The following GLRA3 variants were observed in gnomAD, a reference collection of about 807,000 sequenced individuals.
GLRA3 encodes the protein glycine receptor subunit alpha-3.
Under a neutral mutation model 60.4 loss-of-function variants are expected in GLRA3, and 44 were observed. The observed-to-expected ratio is 0.73, with a 90% CI of 0.57 to 0.94. The LOEUF is 0.94. Among genes scored for constraint, GLRA3 ranks in the 40% least tolerant of loss-of-function variants. The pLI is 0.00. For synonymous variants in GLRA3, 223 were observed against 192.9 expected (o/e 1.16, Z -1.29); for missense variants, 508 against 564.6 (o/e 0.90, Z 1.02).
In GLRA3 at chr4:174,643,905, T is replaced by C. The variant is rs1411945825; in HGVS notation, c.1276A>G (p.Lys426Glu). The C allele has an allele frequency of 6.2e-7, 1 of 1,614,040 alleles. No homozygotes were observed. The highest frequency in any genetic ancestry group is 1.3e-5 in the African/African-American group (1 of 74,928). Reference sequence around the variant, plus strand: ...GCTCGGGAGATGGTATCAATCTTCTTGGCCCGGTCGATAAAGACCTTCCTC... The same window carrying C: ...GCTCGGGAGATGGTATCAATCTTCTCGGCCCGGTCGATAAAGACCTTCCTC... ...EMRKVFIDRA[K>E]KIDTISRACF... Residue 426 changes from lysine to glutamate, a missense_variant, in exon 10 of 10, where the codon AAG (lysine) becomes GAG (glutamate). Coordinates refer to ENST00000274093, the MANE Select transcript of GLRA3 (RefSeq NM_006529.4).
chr4:174,796,873 A>T (rs1739592207), intron 1 of GLRA3, among the ~76,000 whole-genome samples: 1 of 152,072 alleles, frequency 6.6e-6, no homozygotes, highest in Admixed American at 6.6e-5. Context: ...TTGCTTACAG[A>T]AAGACTTCCT....
At chr4:174,702,366 A>G (rs550440501) in intron 5 of GLRA3, among the ~76,000 whole-genome samples, 1 of 152,378 alleles carries the variant, frequency 6.6e-6, no homozygotes, top group African/African-American at 2.4e-5. Flanking sequence ...TATAGGCTAC[A>G]GTACAGTATA....
intron 1 of GLRA3, among the ~76,000 whole-genome samples, chr4:174,811,309 G>A (rs1294473235): frequency 6.6e-6 from 1 of 151,508 alleles, no homozygotes; most frequent in Non-Finnish European, 1.5e-5. Flanking sequence ...AAATTTGGAA[G>A]GTAAAATTTT....
intron 1 of GLRA3, among the ~76,000 whole-genome samples, chr4:174,815,808 G>A (rs115324134): frequency 0.01 from 1,546 of 152,284 alleles, 22 homozygotes; most frequent in African/African-American, 0.035. Context: ...CCTGTGATGG[G>A]AGGGTCTGCC....
chr4:174,751,521 CA>C (rs1023889515), intron 3 of GLRA3, among the ~76,000 whole-genome samples: 10 of 152,046 alleles, frequency 6.6e-5, no homozygotes, highest in Middle Eastern at 3.4e-3. Flanking sequence ...TAAATTCATA[CA>C]AAAATAAAAG....
rs746585506 is a variant in GLRA3, at chr4:174,715,525, G to A, written c.537C>T (p.Pro179=). ...LSCPMDLKNF[P]MDVQTCIMQL... is the part of the protein sequence containing the mutation. ...GCATTATACATGTTTGTACATCCAT[G>A]GGAAAATTCTTGAGATCCATTGGAC... is the stretch of plus-strand genomic sequence containing the variant. The change falls in exon 5 of 10, where the codon CCC becomes CCT. Residue 179 remains proline (P), a synonymous_variant. Coordinates refer to ENST00000274093, the MANE Select transcript of GLRA3 (RefSeq NM_006529.4). The A allele has an allele frequency of 6.4e-7, 1 of 1,563,104 alleles. No homozygotes were observed. The highest frequency in any genetic ancestry group is 1.1e-5 in the South Asian group (1 of 87,774).
chr4:174,650,229 AC>A (rs1255507911), intron 9 of GLRA3, among the ~76,000 whole-genome samples: 1 of 152,156 alleles, frequency 6.6e-6, no homozygotes, highest in African/African-American at 2.4e-5. Context: ...AACTTGTGGC[AC>A]TGTTAAAATT....
At chr4:174,744,674 AAAGAATTGT>A (rs1340636540) in intron 3 of GLRA3, among the ~76,000 whole-genome samples, 1 of 152,242 alleles carries the variant, frequency 6.6e-6, no homozygotes, top group Non-Finnish European at 1.5e-5. Context: ...TTGTGAATTC[AAAGAATTGT>A]AAGAAATGAC....
In GLRA3 at chr4:174,641,268, C is replaced by T. The variant is rs114575942; in HGVS notation, c.*2518G>A. ...ATATGCACACATTTTTAATTTCTTG[C>T]CATTAATAATTTTGTGGTTGGTTTA... On this transcript the variant is annotated 3_prime_UTR_variant, in exon 10 of 10. Transcript: ENST00000274093. 12 of 152,056 alleles carry T rather than the reference C, an allele frequency of 7.9e-5. No individual in the cohort carries two copies. Among genetic ancestry groups the T allele is most frequent in the African/African-American group, 2.9e-4 (12 of 41,510 alleles). 9.4% of individuals were successfully genotyped at this position (152,056 alleles called of 1,614,324 possible). A position where few individuals can be genotyped will look rare whatever the true frequency, so the allele number is the denominator to read the frequency against.
chr4:174,726,065 G>T (rs1347053815), intron 4 of GLRA3, among the ~76,000 whole-genome samples: 1 of 152,218 alleles, frequency 6.6e-6, no homozygotes, highest in Non-Finnish European at 1.5e-5. Context: ...CTTATTGCTG[G>T]ATGTCCCAGG....
intron 2 of GLRA3, 99 bp from the exon 3 acceptor site, chr4:174,767,129 C>T: frequency 1.9e-5 from 8 of 410,830 alleles, no homozygotes; most frequent in Non-Finnish European, 3.7e-5. Flanking sequence ...ATTTTACACA[C>T]ACACACACAC....
At chr4:174,673,854 C>T (rs1734001242) in intron 7 of GLRA3, among the ~76,000 whole-genome samples, 1 of 152,124 alleles carries the variant, frequency 6.6e-6, no homozygotes, top group Admixed American at 6.6e-5. Flanking sequence ...CCTAACCTTC[C>T]CTATTAGTAA....
intron 9 of GLRA3, among the ~76,000 whole-genome samples, chr4:174,648,183 G>C (rs1437362155): frequency 6.6e-6 from 1 of 152,160 alleles, no homozygotes. Flanking sequence ...GTTGAGGACT[G>C]AGTGTGGCAG....
intron 7 of GLRA3, among the ~76,000 whole-genome samples, chr4:174,664,868 C>T (rs1007691219): frequency 6.6e-6 from 1 of 152,084 alleles, no homozygotes; most frequent in Admixed American, 6.5e-5. Context: ...TTACTGAATG[C>T]CGATGATGAA....
intron 2 of GLRA3, among the ~76,000 whole-genome samples, chr4:174,784,880 A>T (rs963462735): frequency 5.3e-5 from 8 of 152,158 alleles, no homozygotes; most frequent in African/African-American, 1.9e-4. Context: ...ATTAGTGGAG[A>T]AATCTGATTC....
intron 3 of GLRA3, among the ~76,000 whole-genome samples, chr4:174,754,431 G>A (rs1409478170): frequency 6.6e-6 from 1 of 152,098 alleles, no homozygotes; most frequent in Admixed American, 6.5e-5. Flanking sequence ...AAAAAAAAGA[G>A]AAGGAGGATA....
rs1194854101 is a variant in GLRA3, at chr4:174,828,748, A to G, written c.64T>C (p.Leu22=). ...AAATCCAAGCGAACTCACCTGAGTA[A>G]CAGTGCTGCTTCCCAGAAGTAAAAT... is the stretch of plus-strand genomic sequence containing the variant. ...SGFYFWEAAL[L]LSLVATKETD... The change falls in exon 1 of 10, where the codon TTA becomes CTA. Residue 22 remains leucine (L), a synonymous_variant. Transcript: ENST00000274093. 6.2e-7 allele frequency: 1 copy of G among 1,605,268 alleles called. No individual in the cohort carries two copies. Among genetic ancestry groups the G allele is most frequent in the Admixed American group, 1.7e-5 (1 of 60,026 alleles).
chr4:174,665,674 G>A (rs564434477), intron 7 of GLRA3, among the ~76,000 whole-genome samples: 12 of 152,088 alleles, frequency 7.9e-5, no homozygotes, highest in Middle Eastern at 3.4e-3. Flanking sequence ...CATTGATTTC[G>A]TCTCACTGTA....
At chr4:174,760,519 C>T (rs1319558577) in intron 3 of GLRA3, among the ~76,000 whole-genome samples, 1 of 140,186 alleles carries the variant, frequency 7.1e-6, no homozygotes, top group Non-Finnish European at 1.6e-5. Context: ...GAAGGTAATA[C>T]ACAATGATTT....
Sources: allele counts gnomAD v4.1 joint callset (sites outside exome capture counted in the v4.1 genomes callset), GRCh38; gene constraint gnomAD v4.1.1; transcripts MANE v1.5; gene names NCBI Gene and HGNC (gene_info 2026-07-23, HGNC 2026-07-21).